Variants in MAGI1 observed in about 807,000 individuals in gnomAD.
MAGI1 encodes the protein membrane associated guanylate kinase, WW and PDZ domain containing 1.
In MAGI1, 58 loss-of-function variants were observed where a neutral mutation model predicts 139.9. The ratio of observed to expected loss-of-function variants is 0.41; its 90% confidence interval spans 0.34 to 0.52. MAGI1 has a LOEUF of 0.52. Ranked by LOEUF, MAGI1 falls within the 20% of genes least tolerant of loss-of-function variation. The pLI is 0.12. For missense variants in MAGI1, 1,874 were observed against 1,901.6 expected (o/e 0.99, Z 0.27); for synonymous variants, 812 against 737.9 (o/e 1.10, Z -1.63).
chr3:65,478,799 C>G lies in MAGI1; in HGVS notation c.551-1G>C. 1 of 1,610,114 alleles carries G rather than the reference C, an allele frequency of 6.2e-7. No homozygotes were observed. The highest frequency in any genetic ancestry group is 8.5e-7 in the Non-Finnish European group (1 of 1,176,748). On this transcript the variant is annotated splice_acceptor_variant, in intron 3 of 22. Transcript: ENST00000402939. LOFTEE classifies it high-confidence loss of function. Reference sequence around the variant, plus strand: ...GGCTTGGGTGTCCCATAATAGTTTCCTAGGTGATGGAGAGACACATTTGCA... The same window carrying G: ...GGCTTGGGTGTCCCATAATAGTTTCGTAGGTGATGGAGAGACACATTTGCA...
intron 1 of MAGI1, among the ~76,000 whole-genome samples, chr3:65,953,459 C>T (rs1233504167): frequency 6.6e-6 from 1 of 152,202 alleles, no homozygotes; most frequent in Non-Finnish European, 1.5e-5. Context: ...AGCGATTACA[C>T]ACATACTTGG....
chr3:65,357,357 C>T (rs978498147), intron 22 of MAGI1, among the ~76,000 whole-genome samples: 3 of 152,264 alleles, frequency 2.0e-5, no homozygotes, highest in South Asian at 2.1e-4. Flanking sequence ...GAATGTTCTC[C>T]ATACCCGAGA....
At chr3:66,013,859 A>G (rs1310340923) in intron 1 of MAGI1, among the ~76,000 whole-genome samples, 1 of 152,198 alleles carries the variant, frequency 6.6e-6, no homozygotes, top group East Asian at 1.9e-4. Flanking sequence ...TCAGACAATG[A>G]AAACATCGTC....
At chr3:65,424,101 T>C (rs2107297407) in intron 12 of MAGI1, among the ~76,000 whole-genome samples, 1 of 152,298 alleles carries the variant, frequency 6.6e-6, no homozygotes, top group Non-Finnish European at 1.5e-5. Context: ...ATTTACCTTC[T>C]TGGGCATGTG....
At chr3:65,763,495 A>G (rs2037206800) in intron 1 of MAGI1, among the ~76,000 whole-genome samples, 1 of 152,206 alleles carries the variant, frequency 6.6e-6, no homozygotes, top group African/African-American at 2.4e-5. Context: ...CAACATTTAC[A>G]TAGCACACAT....
intron 2 of MAGI1, among the ~76,000 whole-genome samples, chr3:65,604,950 G>A (rs2106873122): frequency 6.6e-6 from 1 of 152,228 alleles, no homozygotes; most frequent in South Asian, 2.1e-4. Context: ...ACTCAAATGG[G>A]CTCTTTTACA....
At chr3:65,985,037 C>A (rs942354030) in intron 1 of MAGI1, among the ~76,000 whole-genome samples, 2 of 152,156 alleles carry the variant, frequency 1.3e-5, no homozygotes, top group African/African-American at 4.8e-5. Context: ...CCTTCCTACC[C>A]CAGCTTTGGT....
intron 18 of MAGI1, among the ~76,000 whole-genome samples, chr3:65,375,438 C>T (rs936608): frequency 0.055 from 8,371 of 152,114 alleles, 824 homozygotes; most frequent in African/African-American, 0.19. Flanking sequence ...CCACCCGCCT[C>T]GGCCTCCCAA....
chr3:65,510,096 G>A (rs377740952), intron 2 of MAGI1, among the ~76,000 whole-genome samples: 2 of 152,036 alleles, frequency 1.3e-5, no homozygotes, highest in African/African-American at 4.8e-5. Context: ...TGAGGGTCCT[G>A]TCTGTTAGAA....
chr3:65,692,703 C>CATGA (rs1289790894), intron 1 of MAGI1, among the ~76,000 whole-genome samples: 1 of 152,094 alleles, frequency 6.6e-6, no homozygotes, highest in East Asian at 1.9e-4. Context: ...GCTCTGTCCT[C>CATGA]ATGAATGAAT....
At position 66,038,206 on chromosome 3, in the gene MAGI1, C is replaced by A; in HGVS notation, c.103G>T (p.Gly35Cys). 1 of 1,612,202 alleles carries A rather than the reference C, an allele frequency of 6.2e-7. No homozygotes were observed. Among genetic ancestry groups the A allele is most frequent in the Non-Finnish European group, 8.5e-7 (1 of 1,179,674 alleles). The change falls in exon 1 of 23, where the codon GGC becomes TGC. Residue 35 changes from glycine to cysteine, a missense_variant. Coordinates refer to ENST00000402939, the MANE Select transcript of MAGI1 (RefSeq NM_001033057.2). Reference sequence around the variant, plus strand: ...TACGGAAACTCCCCGTGCTCCGCGCCTCCCAGCACCGTCACCCCCAGCTCG... The same window carrying A: ...TACGGAAACTCCCCGTGCTCCGCGCATCCCAGCACCGTCACCCCCAGCTCG... ...QGELGVTVLG[G>C]AEHGEFPYVG... is the part of the protein sequence containing the mutation.
At chr3:65,361,717 T>C (rs1940874356) in intron 21 of MAGI1, among the ~76,000 whole-genome samples, 1 of 152,180 alleles carries the variant, frequency 6.6e-6, no homozygotes, top group African/African-American at 2.4e-5. Flanking sequence ...ATGGCAAACA[T>C]GATATCAGTT....
At chr3:65,805,372 T>C (rs985602649) in intron 1 of MAGI1, among the ~76,000 whole-genome samples, 1 of 151,974 alleles carries the variant, frequency 6.6e-6, no homozygotes, top group African/African-American at 2.4e-5. Context: ...GAAATGCAAA[T>C]CAAAACCACA....
At chr3:65,842,400 G>C (rs1402703146) in intron 1 of MAGI1, among the ~76,000 whole-genome samples, 1 of 144,248 alleles carries the variant, frequency 6.9e-6, no homozygotes, top group Non-Finnish European at 1.5e-5. Flanking sequence ...CGCTCTTGTT[G>C]CCCAGGCTGG....
chr3:65,953,033 T>A (rs781666356), intron 1 of MAGI1, among the ~76,000 whole-genome samples: 1 of 152,100 alleles, frequency 6.6e-6, no homozygotes, highest in Non-Finnish European at 1.5e-5. Flanking sequence ...ATGAGACAAC[T>A]GAGGCTCAGG....
intron 1 of MAGI1, among the ~76,000 whole-genome samples, chr3:65,816,084 T>C (rs187643671): frequency 6.6e-6 from 1 of 152,244 alleles, no homozygotes; most frequent in East Asian, 1.9e-4. Flanking sequence ...TTTTTTCAAA[T>C]AGTGGTGCCT....
At chr3:65,671,636 A>T (rs958553359) in intron 1 of MAGI1, among the ~76,000 whole-genome samples, 1 of 152,172 alleles carries the variant, frequency 6.6e-6, no homozygotes, top group Non-Finnish European at 1.5e-5. Context: ...GTCCCATAGA[A>T]TAGTCCATCA....
At chr3:66,032,851 G>A (rs1186607673) in intron 1 of MAGI1, among the ~76,000 whole-genome samples, 1 of 146,202 alleles carries the variant, frequency 6.8e-6, no homozygotes, top group Non-Finnish European at 1.5e-5. Context: ...GGAGGCAAAG[G>A]TTGCAGTGAG....
At chr3:65,899,489 G>A (rs1333989793) in intron 1 of MAGI1, among the ~76,000 whole-genome samples, 1 of 152,204 alleles carries the variant, frequency 6.6e-6, no homozygotes, top group Admixed American at 6.5e-5. Flanking sequence ...AAAAAACTGA[G>A]ATCATTTCAG....
Sources: gnomAD v4.1 joint callset for allele counts (sites outside exome capture counted in the v4.1 genomes callset) on GRCh38, gnomAD v4.1.1 for gene constraint, MANE v1.5 for transcripts, NCBI Gene and HGNC (gene_info 2026-07-23, HGNC 2026-07-21) for gene names.